The following CSMD1 variants were observed in gnomAD, a reference collection of about 807,000 sequenced individuals.
The protein encoded by CSMD1 is CUB and Sushi multiple domains 1.
In CSMD1, 213 loss-of-function variants were observed where a neutral mutation model predicts 417.5. That is an observed-to-expected ratio of 0.51 (90% CI 0.46 to 0.57). The LOEUF (loss-of-function observed/expected upper bound fraction) is 0.57. Among genes scored for constraint, CSMD1 ranks in the 20% least tolerant of loss-of-function variants. The probability of loss-of-function intolerance (pLI) is 0.00; values close to 1 mark genes in which losing one functional copy is unlikely to be tolerated. For synonymous variants in CSMD1, 2,862 were observed against 1,736.8 expected, an observed-to-expected ratio of 1.65 and a Z score of -16.11; for missense variants, 6,923 against 4,529.7, an observed-to-expected ratio of 1.53 and a Z score of -15.17.
At chr8:4,619,411 A>C (rs1198713936) in intron 2 of CSMD1, among the ~76,000 whole-genome samples, 3 of 152,182 alleles carry the variant, frequency 2.0e-5, no homozygotes, top group African/African-American at 7.2e-5. Flanking sequence ...TGAAATAATT[A>C]ATTTAGTCCT....
chr8:3,962,479 C>A (rs763658112), intron 5 of CSMD1, among the ~76,000 whole-genome samples: 5 of 152,140 alleles, frequency 3.3e-5, no homozygotes, highest in Admixed American at 1.3e-4. Context: ...ATGTCACCCC[C>A]TGTTTATGAC....
At chr8:3,280,529 A>T (rs1802652233) in intron 26 of CSMD1, among the ~76,000 whole-genome samples, 1 of 152,186 alleles carries the variant, frequency 6.6e-6, no homozygotes, top group Non-Finnish European at 1.5e-5. Context: ...GTTATATTCT[A>T]GCCCCTAAAT....
chr8:4,878,262 A>G (rs1435246949), intron 1 of CSMD1, among the ~76,000 whole-genome samples: 2 of 152,074 alleles, frequency 1.3e-5, no homozygotes, highest in Non-Finnish European at 2.9e-5. Context: ...AAAAAAGTAA[A>G]TTAATGGTGC....
At chr8:3,626,014 T>C (rs1796472873) in intron 7 of CSMD1, among the ~76,000 whole-genome samples, 2 of 152,194 alleles carry the variant, frequency 1.3e-5, no homozygotes, top group South Asian at 4.1e-4. Context: ...TATTCTACTA[T>C]AAAGTCAGTG....
At chr8:4,708,842 A>G (rs1808110228) in intron 1 of CSMD1, among the ~76,000 whole-genome samples, 1 of 152,214 alleles carries the variant, frequency 6.6e-6, no homozygotes, top group Admixed American at 6.5e-5. Context: ...CTAATCCGAC[A>G]TGACTGGTGT....
intron 11 of CSMD1, among the ~76,000 whole-genome samples, chr8:3,491,660 G>T (rs1818388273): frequency 6.6e-6 from 1 of 152,134 alleles, no homozygotes; most frequent in Non-Finnish European, 1.5e-5. Flanking sequence ...GATTTTTAAG[G>T]GAATATACAG....
intron 3 of CSMD1, among the ~76,000 whole-genome samples, chr8:4,389,630 A>G (rs892134139): frequency 3.0e-4 from 45 of 152,182 alleles, no homozygotes; most frequent in Non-Finnish European, 6.3e-4. Context: ...ATCCCTCCAC[A>G]AATCGTAGTA....
intron 5 of CSMD1, among the ~76,000 whole-genome samples, chr8:3,891,936 C>T (rs1390120143): frequency 2.0e-5 from 3 of 152,050 alleles, no homozygotes; most frequent in Non-Finnish European, 4.4e-5. Flanking sequence ...CTCTTAAGAG[C>T]AAAATGAACA....
At chr8:3,239,892 G>C (rs1177274929) in intron 26 of CSMD1, among the ~76,000 whole-genome samples, 1 of 152,074 alleles carries the variant, frequency 6.6e-6, no homozygotes, top group African/African-American at 2.4e-5. Flanking sequence ...AGGCTGGATT[G>C]AAGTCCGGGC....
At chr8:4,113,599 T>G (rs905346612) in intron 3 of CSMD1, among the ~76,000 whole-genome samples, 4 of 151,856 alleles carry the variant, frequency 2.6e-5, no homozygotes, top group African/African-American at 9.7e-5. Context: ...AGAGACAGAG[T>G]TTCACTGTGT....
chr8:3,823,067 A>G (rs1801830065), intron 5 of CSMD1, among the ~76,000 whole-genome samples: 1 of 152,106 alleles, frequency 6.6e-6, no homozygotes, highest in African/African-American at 2.4e-5. Context: ...TCCGGAAGAG[A>G]TTTCAAGAGG....
chr8:4,876,286 T>C (rs1241111099), intron 1 of CSMD1, among the ~76,000 whole-genome samples: 1 of 152,050 alleles, frequency 6.6e-6, no homozygotes, highest in Admixed American at 6.6e-5. Context: ...GCTGCAATCA[T>C]TGCTTCTTTA....
intron 4 of CSMD1, among the ~76,000 whole-genome samples, chr8:4,021,357 C>T (rs562696196): frequency 1.3e-5 from 2 of 152,282 alleles, no homozygotes; most frequent in South Asian, 2.1e-4. Context: ...TCACATTTTC[C>T]GTGTCGCATC....
At chr8:4,128,259 G>A (rs1045396522) in intron 3 of CSMD1, among the ~76,000 whole-genome samples, 5 of 152,020 alleles carry the variant, frequency 3.3e-5, no homozygotes, top group South Asian at 2.1e-4. Context: ...GCAATCCCGT[G>A]GAGGAATGCA....
At chr8:3,484,688 A>G (rs1029616616) in intron 11 of CSMD1, among the ~76,000 whole-genome samples, 11 of 152,356 alleles carry the variant, frequency 7.2e-5, no homozygotes, top group African/African-American at 1.2e-4. Context: ...CAAACCATGT[A>G]TTCTACAAAG....
chr8:3,749,316 G>C (rs577028873), intron 6 of CSMD1, among the ~76,000 whole-genome samples: 1 of 152,120 alleles, frequency 6.6e-6, no homozygotes, highest in Admixed American at 6.5e-5. Flanking sequence ...TATATTGTGG[G>C]TTTTTCCCCT....
intron 5 of CSMD1, among the ~76,000 whole-genome samples, chr8:3,940,873 T>C (rs2129761340): frequency 1.1e-5 from 1 of 91,524 alleles, no homozygotes; most frequent in Admixed American, 1.3e-4. Flanking sequence ...GCTTCTTCCT[T>C]ATGCCATCTC....
At chr8:3,256,769 T>C (rs984368257) in intron 26 of CSMD1, among the ~76,000 whole-genome samples, 17 of 152,322 alleles carry the variant, frequency 1.1e-4, no homozygotes, top group African/African-American at 3.8e-4. Flanking sequence ...GGACATCTTG[T>C]GTATGTTATT....
chr8:3,504,277 G>C (rs1796731895), intron 10 of CSMD1, among the ~76,000 whole-genome samples: 1 of 151,960 alleles, frequency 6.6e-6, no homozygotes, highest in Non-Finnish European at 1.5e-5. Flanking sequence ...AAGTGAACAA[G>C]TACAATCACA....
Sources: gnomAD v4.1 joint callset for allele counts (sites outside exome capture counted in the v4.1 genomes callset) on GRCh38, gnomAD v4.1.1 for gene constraint, MANE v1.5 for transcripts, NCBI Gene and HGNC (gene_info 2026-07-23, HGNC 2026-07-21) for gene names.